CUX2: variants seen among roughly 807,000 people sequenced by gnomAD.
CUX2 encodes homeobox protein cut-like 2.
A neutral mutation model predicts 144.8 loss-of-function variants in CUX2; 40 were observed. The observed-to-expected ratio is 0.28, with a 90% confidence interval of 0.21 to 0.36. The LOEUF (loss-of-function observed/expected upper bound fraction) is 0.36. CUX2 is among the 10% of genes least tolerant of loss of function. The probability of loss-of-function intolerance (pLI) is 1.00; values close to 1 mark genes in which losing one functional copy is unlikely to be tolerated. For missense variants in CUX2, 1,615 were observed against 1,994.0 expected (o/e 0.81, Z 3.62); for synonymous variants, 827 against 875.6 (o/e 0.94, Z 0.98).
At chr12:111,193,816 C>T (rs188468242) in intron 1 of CUX2, among the ~76,000 whole-genome samples, 163 of 152,318 alleles carry the variant, frequency 1.1e-3, no homozygotes, top group African/African-American at 3.7e-3. Flanking sequence ...GGGCAAAGGG[C>T]ATGCGCAGAC....
chr12:111,260,236 G>A (rs896700388), intron 3 of CUX2, among the ~76,000 whole-genome samples: 15 of 151,742 alleles, frequency 9.9e-5, no homozygotes, highest in Admixed American at 6.6e-5. Flanking sequence ...AGGCCGAGGC[G>A]GGCAGATCAT....
intron 1 of CUX2, among the ~76,000 whole-genome samples, chr12:111,144,137 G>T (rs568667998): frequency 2.6e-5 from 4 of 152,276 alleles, no homozygotes; most frequent in South Asian, 4.1e-4. Flanking sequence ...GTCTTTAAAG[G>T]CCAGGCCTGG....
chr12:111,214,366 A>G (rs1429860947), intron 2 of CUX2, 56 bp downstream of exon 2: 5 of 1,044,116 alleles, frequency 4.8e-6, no homozygotes, highest in Non-Finnish European at 7.2e-6. Flanking sequence ...ATTTCTCTCC[A>G]TTCAAACTAT....
At chr12:111,181,458 T>C (rs533044365) in intron 1 of CUX2, among the ~76,000 whole-genome samples, 2 of 152,358 alleles carry the variant, frequency 1.3e-5, no homozygotes, top group Admixed American at 1.3e-4. Context: ...TATTGATCAA[T>C]ACCCTCAAAT....
chr12:111,050,805 G>A (rs1386627317), intron 1 of CUX2, among the ~76,000 whole-genome samples: 1 of 152,166 alleles, frequency 6.6e-6, no homozygotes, highest in Non-Finnish European at 1.5e-5. Context: ...CAGCAAGTGA[G>A]GTTATTAAAA....
chr12:111,146,636 A>AGC (rs1555274023), intron 1 of CUX2, among the ~76,000 whole-genome samples: 1 of 580 alleles, frequency 1.7e-3, no homozygotes, highest in African/African-American at 3.0e-3. Flanking sequence ...GAGGGTTAGT[A>AGC]ACGTGTATTT....
Position 111,291,398 on chromosome 12 carries a change from G to A in CUX2, c.302-20G>A. ...TATCCATCAGGCCCTCACTATCCCT[G>A]TCTTTCTCTCCCTGCACAGACCCCG... On this transcript the variant is annotated intron_variant, in intron 4 of 21. Coordinates refer to ENST00000261726, the MANE Select transcript of CUX2 (RefSeq NM_015267.4). The A allele has an allele frequency of 6.3e-7, 1 of 1,585,378 alleles. No individual in the cohort carries two copies. The highest frequency in any genetic ancestry group is 1.3e-5 in the African/African-American group (1 of 74,268).
chr12:111,248,458 G>A (rs925176091), intron 3 of CUX2, among the ~76,000 whole-genome samples: 1 of 152,160 alleles, frequency 6.6e-6, no homozygotes. Flanking sequence ...TCGGCTGGCA[G>A]TTTGCCAGCC....
At chr12:111,253,634 G>A (rs929442593) in intron 3 of CUX2, among the ~76,000 whole-genome samples, 13 of 152,100 alleles carry the variant, frequency 8.5e-5, no homozygotes, top group Admixed American at 5.2e-4. Context: ...AGGTGTTTGC[G>A]CCAGTCTTGC....
intron 4 of CUX2, among the ~76,000 whole-genome samples, chr12:111,265,642 C>A (rs1433597633): frequency 6.6e-6 from 1 of 152,104 alleles, no homozygotes; most frequent in Non-Finnish European, 1.5e-5. Context: ...CGCACCCGGC[C>A]AAAACTTTCC....
chr12:111,099,970 C>T (rs546745233), intron 1 of CUX2: 23 of 457,402 alleles, frequency 5.0e-5, no homozygotes, highest in Middle Eastern at 3.2e-4. Flanking sequence ...GGGAAGGGAA[C>T]GGCTTTATCG....
intron 1 of CUX2, among the ~76,000 whole-genome samples, chr12:111,110,895 G>A (rs539194917): frequency 6.6e-6 from 1 of 152,332 alleles, no homozygotes; most frequent in Admixed American, 6.5e-5. Context: ...GTCCCTCTTG[G>A]ATAAAGAAAC....
intron 1 of CUX2, among the ~76,000 whole-genome samples, chr12:111,148,534 T>C (rs1592940428): frequency 6.6e-6 from 1 of 152,098 alleles, no homozygotes. Flanking sequence ...TTTTATGTTA[T>C]GTATATTTTA....
In CUX2 at chr12:111,293,632, G is replaced by T; in HGVS notation, c.560+63G>T. The T allele has an allele frequency of 6.5e-7, 1 of 1,531,070 alleles. No homozygotes were observed. The highest frequency in any genetic ancestry group is 8.8e-7 in the Non-Finnish European group (1 of 1,136,290). 94.8% of individuals were successfully genotyped at this position (1,531,070 alleles called of 1,614,324 possible). Reference sequence around the variant, plus strand: ...GGGCAGGGCTCCTGCTGCCCCACCTGGCTGGGTCGTGGACGGGGAAAGTCT... The same window carrying T: ...GGGCAGGGCTCCTGCTGCCCCACCTTGCTGGGTCGTGGACGGGGAAAGTCT... On this transcript the variant is annotated intron_variant, in intron 6 of 21. Transcript: ENST00000261726. The surrounding 1 kb of genome is among the most constrained non-coding windows in gnomAD (Gnocchi z 4.5).
In CUX2 at chr12:111,120,766, G is replaced by A. The variant is rs142997139; in HGVS notation, c.63+86526G>A. Among the ~76,000 whole-genome samples, 548 of 152,030 alleles carry A rather than the reference G, an allele frequency of 3.6e-3. 2 individuals carry two copies. The highest frequency in any genetic ancestry group is 9.9e-3 in the African/African-American group (412 of 41,498). The stretch of plus-strand genomic sequence containing the variant: ...GAGATTAGCATAGAGAAAATATGTC[G>A]GGGTCCACTTTGATTTGCAATTTGA... On this transcript the variant is annotated intron_variant, in intron 1 of 21. Coordinates refer to ENST00000261726, the MANE Select transcript of CUX2 (RefSeq NM_015267.4).
At chr12:111,195,955 C>G (rs1032262454) in intron 1 of CUX2, among the ~76,000 whole-genome samples, 2 of 152,184 alleles carry the variant, frequency 1.3e-5, no homozygotes, top group African/African-American at 4.8e-5. Flanking sequence ...ATCACCACAT[C>G]CAGTTTTAAA....
At chr12:111,111,713 ACT>A (rs1202284383) in intron 1 of CUX2, among the ~76,000 whole-genome samples, 1 of 152,090 alleles carries the variant, frequency 6.6e-6, no homozygotes, top group Non-Finnish European at 1.5e-5. Flanking sequence ...AGCACACCAC[ACT>A]CTGAGTAGCA....
At chr12:111,337,505 A>T (rs1888400920) in intron 19 of CUX2, among the ~76,000 whole-genome samples, 1 of 152,174 alleles carries the variant, frequency 6.6e-6, no homozygotes, top group Non-Finnish European at 1.5e-5. Flanking sequence ...ACTGATGGGC[A>T]TTTTGGCTTT....
Position 111,322,834 on chromosome 12 carries a change from T to C in CUX2, c.2926+254T>C, listed in dbSNP as rs1209744914. On this transcript the variant is annotated intron_variant, in intron 18 of 21. Transcript: ENST00000261726. This position sits in a 1 kb window ranked among gnomAD's most constrained non-coding sequence, Gnocchi z 4.2. ...CGCCTGATGCACTGGGTCCTGGCTT[T>C]AAGCCTCCAAGTGGCTCCATGGTGC... Among the ~76,000 whole-genome samples, 3 of 152,218 alleles carry C rather than the reference T, an allele frequency of 2.0e-5. No individual in the cohort carries two copies. Among genetic ancestry groups the C allele is most frequent in the Non-Finnish European group, 4.4e-5 (3 of 68,034 alleles).
Sources: gnomAD v4.1 joint callset for allele counts (sites outside exome capture counted in the v4.1 genomes callset) on GRCh38, gnomAD v4.1.1 for gene constraint, Gnocchi (gnomAD v3.1) non-coding constraint, MANE v1.5 for transcripts, NCBI Gene and HGNC (gene_info 2026-07-23, HGNC 2026-07-21) for gene names.